Variants in TOX3 observed in about 807,000 individuals in gnomAD.
TOX3 encodes the protein CAG trinucleotide repeat-containing gene F9 protein.
Under a neutral mutation model 64.3 loss-of-function variants are expected in TOX3, and 22 were observed. That is an observed-to-expected ratio of 0.34 (90% CI 0.24 to 0.49). The LOEUF (loss-of-function observed/expected upper bound fraction) is 0.49, where lower values mean the gene tolerates loss of function less well. Among genes scored for constraint, TOX3 ranks in the 20% least tolerant of loss-of-function variants. The pLI, the probability that TOX3 is intolerant of heterozygous loss-of-function variation, is 0.99. For missense variants in TOX3, 661 were observed against 714.4 expected (o/e 0.93, Z 0.85); for synonymous variants, 291 against 273.6 (o/e 1.06, Z -0.63).
intron 1 of TOX3, among the ~76,000 whole-genome samples, chr16:52,532,839 C>T (rs940081427): frequency 6.6e-6 from 1 of 152,074 alleles, no homozygotes; most frequent in Non-Finnish European, 1.5e-5. Flanking sequence ...GAACCAGGAA[C>T]ATGGGGGCAG....
intron 4 of TOX3, among the ~76,000 whole-genome samples, chr16:52,446,849 T>C (rs1960178399): frequency 6.6e-6 from 1 of 152,150 alleles, no homozygotes; most frequent in African/African-American, 2.4e-5. Flanking sequence ...AATGTAAAAA[T>C]GTCAAAACTA....
intron 3 of TOX3, among the ~76,000 whole-genome samples, chr16:52,457,873 T>A (rs1447926990): frequency 6.6e-6 from 1 of 152,170 alleles, no homozygotes; most frequent in Non-Finnish European, 1.5e-5. Flanking sequence ...ACTCTCAGGG[T>A]TGTAATCAGA....
chr16:52,450,344 G>C lies in TOX3; in HGVS notation c.611C>G (p.Ala204Gly). ...AGGGGAGGGAGTGGCTGATTTGCTT[G>C]CTGGAGGTGAAGGAGATGTGTGAGG... Reference protein sequence around the residue: ...SMPHTSPSPPASKSATPSPSS... With the variant: ...SMPHTSPSPPGSKSATPSPSS... Residue 204 changes from alanine to glycine, a missense_variant, in exon 4 of 7, where the codon GCA becomes GGA. This residue lies in a region of TOX3 where 103 missense variants were observed against 161.2 expected (regional missense o/e 0.64). Coordinates refer to ENST00000219746, the MANE Select transcript of TOX3 (RefSeq NM_001080430.4). The C allele has an allele frequency of 6.2e-7, 1 of 1,613,974 alleles. No individual in the cohort carries two copies. Among genetic ancestry groups the C allele is most frequent in the Non-Finnish European group, 8.5e-7 (1 of 1,179,880 alleles).
At chr16:52,441,964 A>T (rs1186042998) in intron 6 of TOX3, among the ~76,000 whole-genome samples, 2 of 152,266 alleles carry the variant, frequency 1.3e-5, no homozygotes, top group Non-Finnish European at 2.9e-5. Flanking sequence ...ATAAAGTTGA[A>T]TACACACAAT....
chr16:52,519,455 G>C, intron 1 of TOX3: 1 of 1,551,470 alleles, frequency 6.4e-7, no homozygotes, highest in Non-Finnish European at 8.7e-7. Flanking sequence ...AATGCGCCTG[G>C]CTCCCGAGCG....
chr16:52,497,276 C>T (rs146869146), intron 1 of TOX3, among the ~76,000 whole-genome samples: 172 of 152,274 alleles, frequency 1.1e-3, no homozygotes, highest in African/African-American at 4.1e-3. Context: ...CATTACCAAC[C>T]AGTTGTTCAA....
chr16:52,541,025 T>G (rs977225521), intron 1 of TOX3, among the ~76,000 whole-genome samples: 1 of 152,050 alleles, frequency 6.6e-6, no homozygotes, highest in Non-Finnish European at 1.5e-5. Flanking sequence ...ACTCTTGACC[T>G]TAGAAGGCCC....
At chr16:52,498,590 G>GC (rs71376168) in intron 1 of TOX3, among the ~76,000 whole-genome samples, 1 of 151,412 alleles carries the variant, frequency 6.6e-6, no homozygotes, top group African/African-American at 2.4e-5. Context: ...TGTGGGGTTG[G>GC]GGGGGGGAGG....
At chr16:52,466,916 A>G (rs1260806785) in intron 2 of TOX3, among the ~76,000 whole-genome samples, 3 of 152,234 alleles carry the variant, frequency 2.0e-5, no homozygotes, top group Non-Finnish European at 2.9e-5. Context: ...TATGGCATCA[A>G]CAACAACAAA....
chr16:52,443,687 G>A lies in TOX3; in HGVS notation c.987+589C>T, dbSNP rs542373534. Among the ~76,000 whole-genome samples the A allele has an allele frequency of 7.9e-5, 12 of 152,212 alleles. No individual in the cohort carries two copies. In the East Asian group the frequency reaches 1.5e-3, roughly 20 times the overall value. On this transcript the variant is annotated intron_variant, in intron 6 of 6. Transcript: ENST00000219746. ...TCATGTATTAGCTCATATTCCTTTGGATTCATTTGCTAGAGTGACATTTGC... is the reference window on the plus strand; with the variant it reads ...TCATGTATTAGCTCATATTCCTTTGAATTCATTTGCTAGAGTGACATTTGC...
chr16:52,545,372 G>A (rs1159209669), intron 1 of TOX3, among the ~76,000 whole-genome samples: 1 of 152,214 alleles, frequency 6.6e-6, no homozygotes. Flanking sequence ...GCGAGCAAGA[G>A]AGACCCTAAT....
At chr16:52,446,947 A>C (rs1960180640) in intron 4 of TOX3, among the ~76,000 whole-genome samples, 1 of 152,246 alleles carries the variant, frequency 6.6e-6, no homozygotes, top group South Asian at 2.1e-4. Context: ...CTTAAAAATC[A>C]CTAAGAAGAC....
intron 1 of TOX3, among the ~76,000 whole-genome samples, chr16:52,500,926 C>T (rs539964742): frequency 1.3e-5 from 2 of 152,304 alleles, no homozygotes; most frequent in South Asian, 4.1e-4. Context: ...TGGACTTGAA[C>T]TAACAACTGT....
At chr16:52,540,778 A>T (rs1963061422) in intron 1 of TOX3, among the ~76,000 whole-genome samples, 1 of 152,212 alleles carries the variant, frequency 6.6e-6, no homozygotes, top group African/African-American at 2.4e-5. Context: ...CCAGAGCTAC[A>T]GCAGCCAACT....
At chr16:52,520,204 T>G (rs1306239112) in intron 1 of TOX3, among the ~76,000 whole-genome samples, 1 of 152,224 alleles carries the variant, frequency 6.6e-6, no homozygotes, top group Non-Finnish European at 1.5e-5. Flanking sequence ...TAAATATATT[T>G]AAAAACTAGC....
intron 1 of TOX3, among the ~76,000 whole-genome samples, chr16:52,525,368 C>A (rs1218357031): frequency 6.6e-6 from 1 of 152,154 alleles, no homozygotes; most frequent in Non-Finnish European, 1.5e-5. Flanking sequence ...ACCTAAATTA[C>A]TAAGACAATA....
chr16:52,485,246 G>GTGTGTATATA (rs1555484130), intron 1 of TOX3, among the ~76,000 whole-genome samples: 4 of 127,890 alleles, frequency 3.1e-5, no homozygotes, highest in African/African-American at 1.3e-4. Flanking sequence ...ATGTGTGTGT[G>GTGTGTATATA]TATATATATA....
chr16:52,547,274 G>A (rs1336917540), upstream of TOX3: 8 of 122,812 alleles, frequency 6.5e-5, no homozygotes, highest in Admixed American at 3.4e-4. Context: ...TGCGCTCCTC[G>A]GCCCGGACCG....
Position 52,439,791 on chromosome 16 carries a change from TTA to T in TOX3, c.1163_1164del (p.Leu388TyrfsTer114). 6.2e-7 allele frequency: 1 copy of T among 1,613,772 alleles called. No homozygotes were observed. The highest frequency in any genetic ancestry group is 8.5e-7 in the Non-Finnish European group (1 of 1,179,840). ...SLPRSIAPKPLTMRLPMNQIV... is the reference protein window; with the variant it reads ...SLPRSIAPKPXTMRLPMNQIV... ...ATCTGGTTCATGGGGAGTCTCATGG[TTA>T]AGGGTTTGGGAGCGATTGACCTAGG... On this transcript the variant is annotated frameshift_variant, in exon 7 of 7. Transcript: ENST00000219746. LOFTEE classifies it high-confidence loss of function.
Sources: gnomAD v4.1 joint callset for allele counts (sites outside exome capture counted in the v4.1 genomes callset) on GRCh38, gnomAD v4.1.1 for gene constraint, gnomAD v4.1.1 regional missense constraint, MANE v1.5 for transcripts, NCBI Gene and HGNC (gene_info 2026-07-23, HGNC 2026-07-21) for gene names.